Variants in VWA3B observed in about 807,000 individuals in gnomAD.
VWA3B encodes von Willebrand factor A domain containing 3B.
VWA3B carries 138 observed loss-of-function variants against 158.3 expected under a neutral mutation model. That is an observed-to-expected ratio of 0.87 (90% confidence interval 0.76 to 1.00). The LOEUF (loss-of-function observed/expected upper bound fraction) is 1.00, where lower values mean the gene tolerates loss of function less well. VWA3B is among the 50% of genes least tolerant of loss of function. The pLI, the probability that VWA3B is intolerant of heterozygous loss-of-function variation, is 0.00. For missense variants in VWA3B, 1,555 were observed against 1,565.1 expected (o/e 0.99, Z 0.11); for synonymous variants, 596 against 587.3 (o/e 1.01, Z -0.21).
At chr2:98,179,785 C>CTT (rs1407590614) in intron 8 of VWA3B, among the ~76,000 whole-genome samples, 2 of 54,638 alleles carry the variant, frequency 3.7e-5, no homozygotes, top group Non-Finnish European at 7.6e-5. Flanking sequence ...CTTTCTCTTT[C>CTT]TTTTCTTTCT....
chr2:98,169,193 G>A (rs1453588491), intron 8 of VWA3B, among the ~76,000 whole-genome samples: 7 of 152,122 alleles, frequency 4.6e-5, no homozygotes, highest in Non-Finnish European at 1.0e-4. Context: ...TTTTCTTTCA[G>A]TACATGAAAC....
intron 7 of VWA3B, among the ~76,000 whole-genome samples, chr2:98,153,780 C>T (rs1196559041): frequency 4.6e-5 from 7 of 152,222 alleles, no homozygotes; most frequent in Non-Finnish European, 1.0e-4. Context: ...ATTGTTGCCA[C>T]GTTGCAACTG....
chr2:98,090,556 C>T (rs148830996), intron 1 of VWA3B, among the ~76,000 whole-genome samples: 41 of 152,250 alleles, frequency 2.7e-4, no homozygotes, highest in Admixed American at 1.7e-3. Context: ...TGGGCTTATA[C>T]TGAGTTTTGA....
At chr2:98,302,385 G>T (rs1049884070) in intron 25 of VWA3B, among the ~76,000 whole-genome samples, 5 of 152,186 alleles carry the variant, frequency 3.3e-5, no homozygotes, top group African/African-American at 1.2e-4. Context: ...CACAGTCCCT[G>T]ATGAAGAGAA....
chr2:98,229,142 T>C (rs1401209309), intron 15 of VWA3B, among the ~76,000 whole-genome samples: 1 of 152,248 alleles, frequency 6.6e-6, no homozygotes, highest in Non-Finnish European at 1.5e-5. Context: ...AATAAGATTT[T>C]ATGGCATTAT....
In VWA3B at chr2:98,212,023, GATCAGGTAC is replaced by G. The variant is rs1558680543; in HGVS notation, c.1832_1836+4del. On this transcript the variant is annotated splice_donor_variant and splice_donor_region_variant and coding_sequence_variant and intron_variant, in exon 13 of 28. Transcript: ENST00000477737. LOFTEE classifies it high-confidence loss of function. ...CTACCTTCTGACCGATGGGAGACCT[GATCAGGTAC>G]TTACCAGAGCTGGGAACAAAGAGGG... 1 of 1,613,912 alleles carries G rather than the reference GATCAGGTAC, an allele frequency of 6.2e-7. No homozygotes were observed. The highest frequency in any genetic ancestry group is 1.3e-5 in the African/African-American group (1 of 75,026).
chr2:98,282,432 CTTTTTTTTTTTT>C (rs759230723), intron 22 of VWA3B, among the ~76,000 whole-genome samples: 2 of 124,898 alleles, frequency 1.6e-5, no homozygotes, highest in East Asian at 2.3e-4. Flanking sequence ...ACATGAATTA[CTTTTTTTTTTTT>C]TTTTTTTTTT....
rs759353733 is a variant in VWA3B at position 98,298,042 on chromosome 2, C to G, written c.3282+11C>G. The G allele has an allele frequency of 6.5e-7, 1 of 1,536,692 alleles. No homozygotes were observed. The highest frequency in any genetic ancestry group is 2.4e-5 in the East Asian group (1 of 40,950). On this transcript the variant is annotated intron_variant, in intron 24 of 27. Coordinates refer to ENST00000477737, the MANE Select transcript of VWA3B (RefSeq NM_144992.5). The stretch of plus-strand genomic sequence containing the variant: ...TGCCCGCTGCTCCAGGTACCCAGTC[C>G]CTGATGTGTTCTGGGGCCCCTTTTC...
intron 13 of VWA3B, chr2:98,217,091 A>C: frequency 4.1e-6 from 3 of 729,016 alleles, no homozygotes; most frequent in Non-Finnish European, 5.8e-6. Context: ...GTTCCCCTCA[A>C]TGGCAGAGGG....
Position 98,163,912 on chromosome 2 carries a change from G to A in VWA3B, c.1114+936G>A, listed in dbSNP as rs1405644756. Among the ~76,000 whole-genome samples the A allele has an allele frequency of 4.6e-5, 7 of 152,342 alleles. 1 individual carries two copies. Among genetic ancestry groups the A allele is most frequent in the Admixed American group, 4.6e-4 (7 of 15,306 alleles). ...TTTTGCTAAAATCAGGCGATGCAGA[G>A]ATGAGCATAGAAGTGCAAAGGTTGA... On this transcript the variant is annotated intron_variant, in intron 8 of 27. Coordinates refer to ENST00000477737, the MANE Select transcript of VWA3B (RefSeq NM_144992.5).
At chr2:98,281,448 G>A (rs538564188) in intron 22 of VWA3B, among the ~76,000 whole-genome samples, 6 of 152,300 alleles carry the variant, frequency 3.9e-5, no homozygotes, top group Admixed American at 2.0e-4. Context: ...CTGCTGTTAC[G>A]ACAATTAGGG....
At chr2:98,263,838 A>C (rs886414278) in intron 21 of VWA3B, among the ~76,000 whole-genome samples, 1 of 152,004 alleles carries the variant, frequency 6.6e-6, no homozygotes, top group African/African-American at 2.4e-5. Flanking sequence ...ATTGTTTGGC[A>C]GAATTCTCCA....
rs541352621 is a variant in VWA3B at position 98,127,436 on chromosome 2, G to T, written c.703-803G>T. Among the ~76,000 whole-genome samples the T allele has an allele frequency of 2.6e-4, 40 of 152,224 alleles. 1 individual carries two copies. Among genetic ancestry groups the T allele is most frequent in the African/African-American group, 9.4e-4 (39 of 41,534 alleles). On this transcript the variant is annotated intron_variant, in intron 5 of 27. Coordinates refer to ENST00000477737, the MANE Select transcript of VWA3B (RefSeq NM_144992.5). Reference sequence around the variant, plus strand: ...CGTCCCGGGAGGAGCGAGGGTGGCCGGGCTGCAGCAGAGCAGGAGGGGCGG... The same window carrying T: ...CGTCCCGGGAGGAGCGAGGGTGGCCTGGCTGCAGCAGAGCAGGAGGGGCGG...
At chr2:98,207,057 T>G in intron 12 of VWA3B, 1 of 504,656 alleles carries the variant, frequency 2.0e-6, no homozygotes, top group East Asian at 5.8e-5. Context: ...TACTCCTGTT[T>G]ATTGATAATA....
chr2:98,329,530 T>TA, the VWA3B span, among the ~76,000 whole-genome samples: 11 of 151,974 alleles, frequency 7.2e-5, 1 homozygote, highest in African/African-American at 2.7e-4. Context: ...GGCAAGATCT[T>TA]AAAAGTGGAT....
chr2:98,133,996 G>T (rs1373064504), intron 7 of VWA3B, 57 bp downstream of exon 7: 1 of 1,435,302 alleles, frequency 7.0e-7, no homozygotes. Context: ...CTCAGACGAC[G>T]TGGATCATTA....
intron 22 of VWA3B, among the ~76,000 whole-genome samples, chr2:98,271,377 A>G (rs1688190110): frequency 6.6e-6 from 1 of 152,244 alleles, no homozygotes; most frequent in Non-Finnish European, 1.5e-5. Flanking sequence ...ATCATTAATA[A>G]GGCAAACCTT....
intron 19 of VWA3B, among the ~76,000 whole-genome samples, chr2:98,247,187 G>A (rs1011423032): frequency 9.3e-5 from 14 of 151,160 alleles, no homozygotes; most frequent in Admixed American, 2.6e-4. Flanking sequence ...TAGTAGAGAC[G>A]GGGTTTCACC....
chr2:98,219,193 T>C (rs561537534), intron 14 of VWA3B, among the ~76,000 whole-genome samples: 2 of 152,164 alleles, frequency 1.3e-5, no homozygotes, highest in East Asian at 3.9e-4. Flanking sequence ...AAAAACAAAC[T>C]GAAGACTTAA....
Sources: allele counts gnomAD v4.1 joint callset (sites outside exome capture counted in the v4.1 genomes callset), GRCh38; gene constraint gnomAD v4.1.1; transcripts MANE v1.5; gene names NCBI Gene and HGNC (gene_info 2026-07-23, HGNC 2026-07-21).